TMEM230: variants seen among roughly 807,000 people sequenced by gnomAD.
TMEM230 encodes transmembrane protein 230, also known as UPF0414 transmembrane protein C20orf30.
A neutral mutation model predicts 15.8 loss-of-function variants in TMEM230; 10 were observed. The observed-to-expected ratio is 0.63, with a 90% CI of 0.39 to 1.07. The LOEUF (loss-of-function observed/expected upper bound fraction) is 1.07, where lower values mean the gene tolerates loss of function less well. TMEM230 is among the 50% of genes least tolerant of loss of function. The probability of loss-of-function intolerance (pLI) is 0.01; values close to 1 mark genes in which losing one functional copy is unlikely to be tolerated. For missense variants in TMEM230, 165 were observed against 193.3 expected (o/e 0.85, Z 0.87); for synonymous variants, 67 against 76.9 (o/e 0.87, Z 0.68).
chr20:5,103,101 C>T (rs759572196), intron 4 of TMEM230, among the ~76,000 whole-genome samples: 3 of 152,218 alleles, frequency 2.0e-5, no homozygotes, highest in East Asian at 3.9e-4. Context: ...TGGTGGCTCA[C>T]GCCTGTAATC....
At chr20:5,084,599 A>T (rs2089282436) in intron 3 of TMEM230, among the ~76,000 whole-genome samples, 1 of 151,880 alleles carries the variant, frequency 6.6e-6, no homozygotes, top group African/African-American at 2.4e-5. Context: ...CAGTGGCGCA[A>T]TCTCTGCTCA....
At chr20:5,101,017 G>C in intron 4 of TMEM230, 86 bp from the exon 4 acceptor site, 1 of 1,508,894 alleles carries the variant, frequency 6.6e-7, no homozygotes, top group Non-Finnish European at 8.9e-7. Context: ...CCTTAGATCA[G>C]TATTTTATAC....
chr20:5,075,721 C>T lies in TMEM230; in HGVS notation c.223-6372G>A, dbSNP rs188691770. Among the ~76,000 whole-genome samples, 210 of 151,780 alleles carry T rather than the reference C, an allele frequency of 1.4e-3. 1 individual carries two copies. Among genetic ancestry groups the T allele is most frequent in the Non-Finnish European group, 4.4e-4 (30 of 67,920 alleles). On this transcript the variant is annotated intron_variant, in intron 3 of 3. Coordinates refer to the TMEM230 transcript ENST00000612323. ...GCCTGGGCGAAAGAGAGAAACTTCGCCTCAAAAATAATAATCATAATAAAT... is the reference window on the plus strand; with the variant it reads ...GCCTGGGCGAAAGAGAGAAACTTCGTCTCAAAAATAATAATCATAATAAAT...
chr20:5,086,563 A>T (rs6053097), intron 3 of TMEM230, among the ~76,000 whole-genome samples: 74,979 of 144,864 alleles, frequency 0.52, 20,253 homozygotes, highest in East Asian at 0.84. Context: ...AAAAAAGAAG[A>T]AAAAGAAAAA....
intron 3 of TMEM230, among the ~76,000 whole-genome samples, chr20:5,075,957 A>G (rs935734619): frequency 6.6e-6 from 1 of 151,704 alleles, no homozygotes; most frequent in Non-Finnish European, 1.5e-5. Flanking sequence ...ATATATACAA[A>G]AATTAGCTGG....
downstream of TMEM230, among the ~76,000 whole-genome samples, chr20:5,064,927 T>C (rs937298749): frequency 6.6e-6 from 1 of 152,054 alleles, no homozygotes; most frequent in Non-Finnish European, 1.5e-5. Flanking sequence ...TCCCAGCACT[T>C]TGGGAGACCA....
chr20:5,109,144 T>C, intron 3 of TMEM230, 188 bp downstream of exon 2: 1 of 505,888 alleles, frequency 2.0e-6, no homozygotes, highest in Admixed American at 3.6e-5. Flanking sequence ...ATACTGGAAT[T>C]GGTTTGAAAC....
intron 3 of TMEM230, among the ~76,000 whole-genome samples, chr20:5,075,585 C>G (rs1229977208): frequency 6.6e-6 from 1 of 151,064 alleles, no homozygotes; most frequent in Non-Finnish European, 1.5e-5. Context: ...ATTAGCCGGG[C>G]TTGGTGGCAC....
chr20:5,088,713 T>G (rs972977405), intron 3 of TMEM230, among the ~76,000 whole-genome samples: 2 of 151,724 alleles, frequency 1.3e-5, no homozygotes, highest in African/African-American at 4.8e-5. Flanking sequence ...GGGGTCTCAC[T>G]ATGTTACCCA....
chr20:5,064,895 G>C (rs907690233), downstream of TMEM230, among the ~76,000 whole-genome samples: 3 of 152,108 alleles, frequency 2.0e-5, no homozygotes, highest in African/African-American at 7.2e-5. Context: ...CAGGGGCTAG[G>C]CGTGGTGGCT....
downstream of TMEM230, among the ~76,000 whole-genome samples, chr20:5,066,794 C>T (rs1207790315): frequency 6.6e-6 from 1 of 152,104 alleles, no homozygotes; most frequent in African/African-American, 2.4e-5. Context: ...ACTTCGCTGA[C>T]CCGGGTTCAT....
At chr20:5,070,397 G>A (rs1247679370) in intron 3 of TMEM230, among the ~76,000 whole-genome samples, 4 of 152,156 alleles carry the variant, frequency 2.6e-5, no homozygotes, top group Admixed American at 6.6e-5. Flanking sequence ...CAGTGAACTC[G>A]CAGAACCATA....
chr20:5,094,909 C>T (rs905106795), downstream of TMEM230, among the ~76,000 whole-genome samples: 5 of 151,960 alleles, frequency 3.3e-5, no homozygotes, highest in Admixed American at 1.3e-4. Flanking sequence ...GCCCAGGTTC[C>T]TCATGGTCAC....
chr20:5,096,991 C>T (rs557650094), downstream of TMEM230, among the ~76,000 whole-genome samples: 9 of 152,274 alleles, frequency 5.9e-5, no homozygotes, highest in African/African-American at 2.2e-4. Context: ...ACTTGTACTA[C>T]CTTACTTTAG....
At chr20:5,059,849 G>A in the TMEM230 span, among the ~76,000 whole-genome samples, 2 of 145,174 alleles carry the variant, frequency 1.4e-5, no homozygotes, top group African/African-American at 2.6e-5. Flanking sequence ...GTGCAACCTC[G>A]GCTCGCTGCA....
chr20:5,095,044 C>T (rs2122681107), downstream of TMEM230, among the ~76,000 whole-genome samples: 1 of 152,306 alleles, frequency 6.6e-6, no homozygotes, highest in African/African-American at 2.4e-5. Context: ...GCCATTAGTT[C>T]AGCTGTGGGG....
At chr20:5,101,060 C>T in intron 4 of TMEM230, 129 bp from the exon 4 acceptor site, 1 of 1,147,184 alleles carries the variant, frequency 8.7e-7, no homozygotes, top group Non-Finnish European at 1.2e-6. Context: ...TTGTATACCA[C>T]CAAGGGAAAA....
intron 3 of TMEM230, among the ~76,000 whole-genome samples, chr20:5,074,628 G>T (rs1211933575): frequency 6.8e-6 from 1 of 147,720 alleles, no homozygotes; most frequent in Non-Finnish European, 1.5e-5. Flanking sequence ...TAACTCTCAG[G>T]CCCAGCTATA....
At chr20:5,071,834 G>C (rs978307683) in intron 3 of TMEM230, among the ~76,000 whole-genome samples, 13 of 151,270 alleles carry the variant, frequency 8.6e-5, no homozygotes, top group Non-Finnish European at 1.5e-4. Context: ...TCTGCCTCCT[G>C]GGTTCAAGTG....
Sources: gnomAD v4.1 joint callset for allele counts (sites outside exome capture counted in the v4.1 genomes callset) on GRCh38, gnomAD v4.1.1 for gene constraint, MANE v1.5 for transcripts, NCBI Gene and HGNC (gene_info 2026-07-23, HGNC 2026-07-21) for gene names.